TEAD2: variants seen among roughly 807,000 people sequenced by gnomAD.
The protein encoded by TEAD2 is TEA domain transcription factor 2.
In TEAD2, 51 loss-of-function variants were observed where a neutral mutation model predicts 61.4. The observed-to-expected ratio is 0.83, with a 90% CI of 0.66 to 1.05. The LOEUF (loss-of-function observed/expected upper bound fraction) is 1.05. TEAD2 is among the 50% of genes least tolerant of loss of function. The probability of loss-of-function intolerance (pLI) is 0.00; values close to 1 mark genes in which losing one functional copy is unlikely to be tolerated. For missense variants in TEAD2, 509 were observed against 600.0 expected (o/e 0.85, Z 1.58); for synonymous variants, 244 against 243.2 (o/e 1.00, Z -0.03).
intron 1 of TEAD2, among the ~76,000 whole-genome samples, chr19:49,360,648 C>T (rs981638390): frequency 6.6e-6 from 1 of 151,706 alleles, no homozygotes; most frequent in African/African-American, 2.4e-5. Context: ...CCCTGTCCCA[C>T]CCCAAGAACA....
Position 49,347,346 on chromosome 19 carries a change from G to A in TEAD2, c.765C>T (p.Phe255=), listed in dbSNP as rs779249269. Residue 255 remains phenylalanine (F), a synonymous_variant, in exon 10 of 13, where the codon TTC becomes TTT. Coordinates refer to ENST00000593945, the MANE Select transcript of TEAD2 (RefSeq NM_001256660.2). ...DAVDSYQRHL[F]VHISQHCPSP... Reference sequence around the variant, plus strand: ...TGGGGCAGTGCTGGCTGATGTGCACGAACAGGTGCCTCTGGTACTGAGGAG... The same window carrying A: ...TGGGGCAGTGCTGGCTGATGTGCACAAACAGGTGCCTCTGGTACTGAGGAG... 9.3e-6 allele frequency: 15 copies of A among 1,610,742 alleles called. No individual in the cohort carries two copies. Among genetic ancestry groups the A allele is most frequent in the East Asian group, 2.2e-5 (1 of 44,888 alleles).
chr19:49,346,423 A>C (rs897106330), intron 10 of TEAD2, among the ~76,000 whole-genome samples: 2 of 152,040 alleles, frequency 1.3e-5, no homozygotes, highest in African/African-American at 4.8e-5. Context: ...TTGGGAGGCC[A>C]AGGTGGGCAG....
chr19:49,357,230 G>A (rs754698020), intron 4 of TEAD2, 22 bp downstream of exon 4: 1 of 1,607,100 alleles, frequency 6.2e-7, no homozygotes, highest in South Asian at 1.1e-5. Flanking sequence ...CCCCCTCTCA[G>A]GATGTCTGCA....
chr19:49,346,092 G>A (rs575799067), intron 10 of TEAD2, among the ~76,000 whole-genome samples: 11 of 148,974 alleles, frequency 7.4e-5, no homozygotes, highest in Non-Finnish European at 1.3e-4. Context: ...TTGAACCCAG[G>A]AGGCAGAGGT....
In TEAD2 at chr19:49,341,490, C is replaced by G; in HGVS notation, c.1243-53G>C. 1 of 1,405,602 alleles carries G rather than the reference C, an allele frequency of 7.1e-7. No individual in the cohort carries two copies. Among genetic ancestry groups the G allele is most frequent in the Non-Finnish European group, 1.0e-6 (1 of 996,786 alleles). The allele number at this position is 1,405,602 out of a possible 1,614,324, so 87.1% of individuals were successfully genotyped here. Reference sequence around the variant, plus strand: ...TATGCTTAGAAGGGAGGGCAGGGACCCCTGTGCCCCCCTGCCAAGCTATCA... The same window carrying G: ...TATGCTTAGAAGGGAGGGCAGGGACGCCTGTGCCCCCCTGCCAAGCTATCA... On this transcript the variant is annotated intron_variant, in intron 12 of 12. Coordinates refer to ENST00000593945, the MANE Select transcript of TEAD2 (RefSeq NM_001256660.2). This position sits in a 1 kb window ranked among gnomAD's most constrained non-coding sequence, Gnocchi z 4.2.
intron 4 of TEAD2, 139 bp downstream of exon 4, chr19:49,357,113 C>A: frequency 1.4e-6 from 1 of 698,046 alleles, no homozygotes. Context: ...GGTCTCTGTC[C>A]CTTTCTCTCT....
At position 49,358,855 on chromosome 19, in the gene TEAD2, TCTCCTGAC is replaced by T. The variant is rs1206846708; in HGVS notation, c.297+572_297+579del. 7.3e-5 allele frequency among the ~76,000 whole-genome samples: 11 copies of T among 150,992 alleles called. 1 individual carries two copies. The East Asian group carries it at 2.3e-3, about 31-fold the overall frequency. ...ACCATGTTGGTCAGGATGGTCTCGA[TCTCCTGAC>T]CTCCTGATCCGCTCACCTAAAGTGC... On this transcript the variant is annotated intron_variant, in intron 3 of 12. Coordinates refer to ENST00000593945, the MANE Select transcript of TEAD2 (RefSeq NM_001256660.2).
chr19:49,342,800 C>T (rs1261023975), intron 11 of TEAD2, among the ~76,000 whole-genome samples: 1 of 152,034 alleles, frequency 6.6e-6, no homozygotes, highest in African/African-American at 2.4e-5. Flanking sequence ...ATCACAAGCC[C>T]CTCAAAGTGA....
intron 4 of TEAD2, 96 bp downstream of exon 4, chr19:49,357,156 C>G: frequency 8.3e-7 from 1 of 1,202,632 alleles, no homozygotes; most frequent in Non-Finnish European, 1.2e-6. Context: ...AAGTCTCTGT[C>G]CCCCTCTCCC....
intron 8 of TEAD2, 154 bp from the exon 9 acceptor site, chr19:49,348,999 G>T: frequency 1.1e-6 from 1 of 932,380 alleles, no homozygotes; most frequent in Non-Finnish European, 1.5e-6. Flanking sequence ...ATGTGACACA[G>T]TCCTAGCCAA....
In TEAD2 at chr19:49,359,700, G is replaced by A; in HGVS notation, c.232+144C>T. On this transcript the variant is annotated intron_variant, in intron 2 of 12. Transcript: ENST00000593945. This position sits in a 1 kb window ranked among gnomAD's most constrained non-coding sequence, Gnocchi z 4.1. The stretch of plus-strand genomic sequence containing the variant: ...ACGCACTGGCTCTGTGCGACCATAA[G>A]CAAATCACTTAACCTAGCTGTGCCT... 2 of 1,058,360 alleles carry A rather than the reference G, an allele frequency of 1.9e-6. No homozygotes were observed. The highest frequency in any genetic ancestry group is 1.4e-6 in the Non-Finnish European group (1 of 714,936). 65.6% of individuals were successfully genotyped at this position (1,058,360 alleles called of 1,614,324 possible). A position where few individuals can be genotyped will look rare whatever the true frequency, so the allele number is the denominator to read the frequency against.
At position 49,348,292 on chromosome 19, in the gene TEAD2, G is replaced by A. The variant is rs1033944733; in HGVS notation, c.747+411C>T. ...GTCGGCCCACTCCATCCTAGCCCAG[G>A]AGAAGCTCAAGCACAGAAATAAAAT... On this transcript the variant is annotated intron_variant, in intron 9 of 12. Coordinates refer to ENST00000593945, the MANE Select transcript of TEAD2 (RefSeq NM_001256660.2). Among the ~76,000 whole-genome samples the A allele has an allele frequency of 2.0e-5, 3 of 152,196 alleles. No individual in the cohort carries two copies. The East Asian group carries it at 5.8e-4, about 29-fold the overall frequency.
At chr19:49,351,252 G>T in intron 8 of TEAD2, 49 bp downstream of exon 8, 2 of 1,550,688 alleles carry the variant, frequency 1.3e-6, no homozygotes, top group Non-Finnish European at 1.8e-6. Context: ...GGCAGTAGGG[G>T]TCGAAGAGAG....
chr19:49,351,729 T>G (rs1256948285), intron 7 of TEAD2, among the ~76,000 whole-genome samples: 1 of 152,062 alleles, frequency 6.6e-6, no homozygotes, highest in African/African-American at 2.4e-5. Context: ...CTCACACCTG[T>G]AATCCCAGCA....
At chr19:49,357,220 C>T (rs911489929) in intron 4 of TEAD2, 32 bp downstream of exon 4, 29 of 1,462,744 alleles carry the variant, frequency 2.0e-5, no homozygotes, top group Non-Finnish European at 2.5e-5. Context: ...CAGTCTCTGT[C>T]CCCCTCTCAG....
At chr19:49,353,512 C>T (rs1779920653) in intron 7 of TEAD2, among the ~76,000 whole-genome samples, 1 of 152,186 alleles carries the variant, frequency 6.6e-6, no homozygotes. Context: ...TTCTTCACAG[C>T]ACCTCACACA....
intron 11 of TEAD2, 97 bp from the exon 12 acceptor site, chr19:49,342,687 A>G: frequency 6.8e-7 from 1 of 1,466,914 alleles, no homozygotes; most frequent in Non-Finnish European, 9.4e-7. Context: ...AGATGCCACC[A>G]CACTCACTCT....
At chr19:49,354,586 A>G in intron 7 of TEAD2, among the ~76,000 whole-genome samples, 1 of 151,930 alleles carries the variant, frequency 6.6e-6, no homozygotes, top group East Asian at 1.9e-4. Flanking sequence ...ATATCCCGTC[A>G]CCTCAAGGCT....
chr19:49,347,841 G>C (rs767433954), intron 9 of TEAD2, among the ~76,000 whole-genome samples: 3 of 152,216 alleles, frequency 2.0e-5, no homozygotes, highest in African/African-American at 7.2e-5. Context: ...AATCCACAGA[G>C]GTCTTGTGGT....
Sources: gnomAD v4.1 joint callset for allele counts (sites outside exome capture counted in the v4.1 genomes callset) on GRCh38, gnomAD v4.1.1 for gene constraint, Gnocchi (gnomAD v3.1) non-coding constraint, MANE v1.5 for transcripts, NCBI Gene and HGNC (gene_info 2026-07-23, HGNC 2026-07-21) for gene names.